Variants in DPP3 observed in about 807,000 individuals in gnomAD.
DPP3 encodes the protein DPP III.
A neutral mutation model predicts 89.8 loss-of-function variants in DPP3; 64 were observed. That is an observed-to-expected ratio of 0.71 (90% CI 0.58 to 0.88). The LOEUF (loss-of-function observed/expected upper bound fraction) is 0.88, where lower values mean the gene tolerates loss of function less well. Ranked by LOEUF, DPP3 falls within the 40% of genes least tolerant of loss-of-function variation. The pLI is 0.00. For missense variants in DPP3, 835 were observed against 972.5 expected, an observed-to-expected ratio of 0.86 and a Z score of 1.88; for synonymous variants, 377 against 404.3, an observed-to-expected ratio of 0.93 and a Z score of 0.81.
rs955043751 is a variant in DPP3, at chr11:66,495,056, C to T, written c.1390-150C>T. The T allele has an allele frequency of 3.3e-5, 35 of 1,074,004 alleles. No individual in the cohort carries two copies. In the African/African-American group the frequency reaches 5.0e-4, roughly 15 times the overall value. 66.5% of individuals were successfully genotyped at this position (1,074,004 alleles called of 1,614,324 possible). On this transcript the variant is annotated intron_variant, in intron 12 of 17. Coordinates refer to ENST00000531863, the MANE Select transcript of DPP3 (RefSeq NM_130443.4). ...GTCACAGGGCTCAGGGCTGTGCAGG[C>T]GTCAGTGTGTGGACAGACCTGCTGC...
chr11:66,506,240 C>T (rs1482975797), intron 17 of DPP3, among the ~76,000 whole-genome samples: 1 of 151,576 alleles, frequency 6.6e-6, no homozygotes, highest in Non-Finnish European at 1.5e-5. Flanking sequence ...GCGTGAGCCA[C>T]CATACCCGGC....
At chr11:66,488,635 C>G (rs190615354) in intron 6 of DPP3, among the ~76,000 whole-genome samples, 1 of 151,906 alleles carries the variant, frequency 6.6e-6, no homozygotes, top group Non-Finnish European at 1.5e-5. Context: ...GTAGTGGGGC[C>G]TGGGGTGGTA....
chr11:66,486,017 C>G (rs143135651), intron 3 of DPP3, among the ~76,000 whole-genome samples: 5 of 152,198 alleles, frequency 3.3e-5, no homozygotes, highest in African/African-American at 1.2e-4. Context: ...ACACAGCTCA[C>G]TGCAACCTCA....
intron 6 of DPP3, among the ~76,000 whole-genome samples, chr11:66,490,173 A>T (rs991311199): frequency 8.3e-5 from 12 of 144,844 alleles, no homozygotes; most frequent in Non-Finnish European, 1.5e-4. Flanking sequence ...AAAAAAAAAA[A>T]GGCAGTAAGA....
At position 66,504,649 on chromosome 11, in the gene DPP3, C is replaced by T. The variant is rs767714224; in HGVS notation, c.1916C>T (p.Ala639Val). The T allele has an allele frequency of 6.2e-7, 1 of 1,612,872 alleles. No individual in the cohort carries two copies. The highest frequency in any genetic ancestry group is 1.1e-5 in the South Asian group (1 of 90,956). Residue 639 changes from alanine (A) to valine (V), a missense_variant, in exon 17 of 18, where the codon GCC (alanine) becomes GTC (valine). By Grantham distance (64) the Ala-to-Val change is moderately conservative. Coordinates refer to ENST00000531863, the MANE Select transcript of DPP3 (RefSeq NM_130443.4). ...ACAGGGGATGTGGCCGGAGGGCGGG[C>T]CCTGTACGAGGGGTATGCAACAGTC... Reference protein sequence around the residue: ...KSTGDVAGGRALYEGYATVTD... With the variant: ...KSTGDVAGGRVLYEGYATVTD...
At chr11:66,496,426 T>C (rs2134739302) in intron 15 of DPP3, among the ~76,000 whole-genome samples, 1 of 150,258 alleles carries the variant, frequency 6.7e-6, no homozygotes, top group East Asian at 2.0e-4. Flanking sequence ...TATTTTTTTT[T>C]TCTTTTGAGA....
At chr11:66,501,251 T>C (rs1855669477) in intron 16 of DPP3, among the ~76,000 whole-genome samples, 1 of 149,964 alleles carries the variant, frequency 6.7e-6, no homozygotes, top group Non-Finnish European at 1.5e-5. Context: ...TCCAAGCTAC[T>C]CGGGAAGCTG....
chr11:66,502,382 A>G (rs141932348), intron 16 of DPP3, among the ~76,000 whole-genome samples: 1 of 150,278 alleles, frequency 6.7e-6, no homozygotes, highest in Non-Finnish European at 1.5e-5. Context: ...TTCTTGGCTT[A>G]TTGCAGCCTC....
chr11:66,482,026 C>A, intron 1 of DPP3, 167 bp from the exon 2 acceptor site: 2 of 992,240 alleles, frequency 2.0e-6, no homozygotes, highest in Non-Finnish European at 2.9e-6. Context: ...TTGGGTGAGT[C>A]ATCTCACCTT....
chr11:66,488,092 C>G, intron 6 of DPP3, 85 bp downstream of exon 6: 6 of 1,187,888 alleles, frequency 5.1e-6, no homozygotes, highest in African/African-American at 3.1e-5. Flanking sequence ...CTCTGCCACT[C>G]CTTCAGAAAG....
At chr11:66,487,795 A>T in intron 5 of DPP3, 119 bp from the exon 6 acceptor site, 1 of 878,582 alleles carries the variant, frequency 1.1e-6, no homozygotes, top group Non-Finnish European at 1.8e-6. Flanking sequence ...CAGCCAACCC[A>T]GAAGGCCCAG....
At chr11:66,490,467 C>G (rs1370889151) in intron 6 of DPP3, among the ~76,000 whole-genome samples, 1 of 152,172 alleles carries the variant, frequency 6.6e-6, no homozygotes, top group Non-Finnish European at 1.5e-5. Flanking sequence ...GTCCAGCCCC[C>G]CAACTTCACT....
rs1218839668 is a variant in DPP3, at chr11:66,482,315, C to CGT, written c.117_118dup (p.Ala40ValfsTer88). The CGT allele has an allele frequency of 6.2e-7, 1 of 1,613,862 alleles. No homozygotes were observed. Among genetic ancestry groups the CGT allele is most frequent in the African/African-American group, 1.3e-5 (1 of 74,918 alleles). Reference sequence around the variant, plus strand: ...GCGCCTCTATGCCTACCACCTGTCCCGTGCCGCCTGGTACGGAGGCCTGGC... The same window carrying CGT: ...GCGCCTCTATGCCTACCACCTGTCCCGTGTGCCGCCTGGTACGGAGGCCTGGC... On this transcript the variant is annotated frameshift_variant, in exon 2 of 18. Coordinates refer to ENST00000531863, the MANE Select transcript of DPP3 (RefSeq NM_130443.4). LOFTEE classifies it high-confidence loss of function.
Position 66,509,436 on chromosome 11 carries a change from C to G in DPP3, c.*185C>G. 1 of 1,528,938 alleles carries G rather than the reference C, an allele frequency of 6.5e-7. No individual in the cohort carries two copies. Among genetic ancestry groups the G allele is most frequent in the Non-Finnish European group, 8.8e-7 (1 of 1,140,446 alleles). 94.7% of individuals were successfully genotyped at this position (1,528,938 alleles called of 1,614,324 possible). On this transcript the variant is annotated 3_prime_UTR_variant, in exon 18 of 18. Coordinates refer to ENST00000531863, the MANE Select transcript of DPP3 (RefSeq NM_130443.4). ...CACTTTCCAGCCTGCCAATTGCTTC[C>G]CCTCTGTGATCTCATTTCATCTGCA...
rs750625016 is a variant in DPP3, at chr11:66,504,651, C to G, written c.1918C>G (p.Leu640Val). The G allele has an allele frequency of 1.2e-6, 2 of 1,613,190 alleles. No homozygotes were observed. The highest frequency in any genetic ancestry group is 1.7e-6 in the Non-Finnish European group (2 of 1,179,660). Residue 640 changes from leucine to valine, a missense_variant, in exon 17 of 18, where the codon CTG (leucine) becomes GTG (valine). Transcript: ENST00000531863. ...AGGGGATGTGGCCGGAGGGCGGGCC[C>G]TGTACGAGGGGTATGCAACAGTCAC... Reference protein sequence around the residue: ...STGDVAGGRALYEGYATVTDA... With the variant: ...STGDVAGGRAVYEGYATVTDA...
chr11:66,484,080 C>T (rs551008719), intron 2 of DPP3, among the ~76,000 whole-genome samples: 7 of 151,958 alleles, frequency 4.6e-5, no homozygotes, highest in Non-Finnish European at 1.0e-4. Context: ...CTGGTTCAAG[C>T]GATTCTCCTG....
intron 17 of DPP3, 136 bp from the exon 18 acceptor site, chr11:66,508,943 C>T: frequency 1.2e-5 from 13 of 1,102,980 alleles, no homozygotes; most frequent in Non-Finnish European, 1.6e-5. Context: ...TAACCTAAAA[C>T]GTAGAGCACA....
chr11:66,490,396 C>T (rs902840851), intron 6 of DPP3, among the ~76,000 whole-genome samples: 2 of 152,188 alleles, frequency 1.3e-5, no homozygotes, highest in Admixed American at 6.5e-5. Context: ...GGCTGGGCCG[C>T]ATTCCTTCTG....
chr11:66,499,033 A>G (rs1434268471), intron 16 of DPP3, among the ~76,000 whole-genome samples: 1 of 151,940 alleles, frequency 6.6e-6, no homozygotes, highest in Non-Finnish European at 1.5e-5. Context: ...AAAAGATAAC[A>G]TATTAATCAA....
Sources: gnomAD v4.1 joint callset for allele counts (sites outside exome capture counted in the v4.1 genomes callset) on GRCh38, gnomAD v4.1.1 for gene constraint, MANE v1.5 for transcripts, NCBI Gene and HGNC (gene_info 2026-07-23, HGNC 2026-07-21) for gene names.